Variants in FUT8 observed in about 807,000 individuals in gnomAD.
FUT8 encodes fucosyltransferase 8.
FUT8 carries 29 observed loss-of-function variants against 71.3 expected under a neutral mutation model. The observed-to-expected ratio is 0.41, with a 90% confidence interval of 0.30 to 0.55. The LOEUF (loss-of-function observed/expected upper bound fraction) is 0.55. Ranked by LOEUF, FUT8 falls within the 20% of genes least tolerant of loss-of-function variation. The pLI, the probability that FUT8 is intolerant of heterozygous loss-of-function variation, is 0.34. For missense variants in FUT8, 544 were observed against 702.1 expected (o/e 0.77, Z 2.55); for synonymous variants, 254 against 239.3 (o/e 1.06, Z -0.57).
At chr14:65,477,275 A>T (rs1271365892) in intron 2 of FUT8, among the ~76,000 whole-genome samples, 1 of 152,232 alleles carries the variant, frequency 6.6e-6, no homozygotes, top group Non-Finnish European at 1.5e-5. Flanking sequence ...TCTTTAGCAC[A>T]GTTCCTGGCA....
intron 2 of FUT8, among the ~76,000 whole-genome samples, chr14:65,523,567 T>C (rs1470966577): frequency 6.6e-6 from 1 of 152,234 alleles, no homozygotes. Context: ...GTGCAGAAGC[T>C]CTTTAGCTTA....
At chr14:65,513,024 GAGCTTAAATT>G (rs1882467238) in intron 2 of FUT8, among the ~76,000 whole-genome samples, 1 of 152,016 alleles carries the variant, frequency 6.6e-6, no homozygotes, top group Non-Finnish European at 1.5e-5. Context: ...GCAGAATCAT[GAGCTTAAATT>G]AGTGGAATAT....
intron 2 of FUT8, among the ~76,000 whole-genome samples, chr14:65,469,548 T>C (rs2066104047): frequency 1.3e-5 from 2 of 152,218 alleles, no homozygotes; most frequent in South Asian, 4.1e-4. Flanking sequence ...GGAAGAATTA[T>C]GTATGCAGAC....
intron 3 of FUT8, among the ~76,000 whole-genome samples, chr14:65,565,842 CTGT>C (rs1013692729): frequency 4.0e-5 from 6 of 151,606 alleles, no homozygotes; most frequent in African/African-American, 1.5e-4. Context: ...ACCAAAGAAT[CTGT>C]TGTCTATTTT....
intron 10 of FUT8, among the ~76,000 whole-genome samples, chr14:65,738,462 A>G (rs539174972): frequency 6.6e-6 from 1 of 152,162 alleles, no homozygotes; most frequent in East Asian, 1.9e-4. Context: ...ATCCTTTGGC[A>G]GGATTTTTGC....
chr14:65,418,140 A>G (rs2139370466), intron 1 of FUT8, among the ~76,000 whole-genome samples: 1 of 152,338 alleles, frequency 6.6e-6, no homozygotes, highest in African/African-American at 2.4e-5. Context: ...CTAATGAATA[A>G]ACTTCATGAT....
intron 5 of FUT8, among the ~76,000 whole-genome samples, chr14:65,626,351 T>A (rs1262670948): frequency 6.6e-6 from 1 of 152,180 alleles, no homozygotes; most frequent in Non-Finnish European, 1.5e-5. Flanking sequence ...ACAAAATTAG[T>A]AGGAGATAGA....
chr14:65,633,009 C>CCT (rs1555377616), intron 6 of FUT8, among the ~76,000 whole-genome samples: 5 of 145,878 alleles, frequency 3.4e-5, no homozygotes, highest in African/African-American at 1.3e-4. Context: ...TCCCCTCCCC[C>CCT]CCCCCGTCTC....
At position 65,483,196 on chromosome 14, in the gene FUT8, C is replaced by T. The variant is rs1230726522; in HGVS notation, c.-228+27478C>T. ...GCTGGTGCAGCACTACAGCAACTTC[C>T]GTGCTATTCAGTGAGAGGACTGTGT... On this transcript the variant is annotated intron_variant, in intron 2 of 10. Coordinates refer to ENST00000673929, the MANE Select transcript of FUT8 (RefSeq NM_001371533.1). The surrounding 1 kb of genome is among the most constrained non-coding windows in gnomAD (Gnocchi z 4.4). Among the ~76,000 whole-genome samples, 1 of 152,176 alleles carries T rather than the reference C, an allele frequency of 6.6e-6. No individual in the cohort carries two copies. The highest frequency in any genetic ancestry group is 1.5e-5 in the Non-Finnish European group (1 of 68,032).
At chr14:65,631,386 T>G (rs1299305078) in intron 6 of FUT8, among the ~76,000 whole-genome samples, 2 of 152,140 alleles carry the variant, frequency 1.3e-5, no homozygotes, top group Non-Finnish European at 2.9e-5. Context: ...TTTTTTTTCC[T>G]CTTGGTTTGT....
At chr14:65,620,217 A>G (rs923915196) in intron 5 of FUT8, among the ~76,000 whole-genome samples, 2 of 152,092 alleles carry the variant, frequency 1.3e-5, no homozygotes, top group African/African-American at 4.8e-5. Context: ...ATTTATAACA[A>G]TTATAAAACT....
intron 8 of FUT8, among the ~76,000 whole-genome samples, chr14:65,723,038 G>C (rs1006530870): frequency 6.6e-6 from 1 of 151,926 alleles, no homozygotes; most frequent in African/African-American, 2.4e-5. Flanking sequence ...TTGGGGCCAG[G>C]CATAGTGGCT....
chr14:65,648,659 A>G (rs117351710), intron 6 of FUT8, among the ~76,000 whole-genome samples: 52 of 152,340 alleles, frequency 3.4e-4, no homozygotes, highest in Non-Finnish European at 6.3e-4. Flanking sequence ...CCAAATCCCA[A>G]TTTATTCTGA....
intron 2 of FUT8, among the ~76,000 whole-genome samples, chr14:65,541,295 G>A (rs538989262): frequency 6.6e-6 from 1 of 151,540 alleles, no homozygotes; most frequent in African/African-American, 2.4e-5. Context: ...TACATAAGAG[G>A]AGATTTATCA....
chr14:65,554,446 T>TA (rs58345755), intron 2 of FUT8, among the ~76,000 whole-genome samples: 3 of 146,566 alleles, frequency 2.0e-5, no homozygotes, highest in African/African-American at 7.4e-5. Flanking sequence ...TATATATATA[T>TA]TTATATCTAT....
At chr14:65,602,118 C>T (rs1888319204) in intron 3 of FUT8, among the ~76,000 whole-genome samples, 1 of 151,360 alleles carries the variant, frequency 6.6e-6, no homozygotes, top group Non-Finnish European at 1.5e-5. Flanking sequence ...GTGTTTTATC[C>T]CTCACCTCCT....
chr14:65,392,275 C>A, the FUT8 span, among the ~76,000 whole-genome samples: 1 of 152,230 alleles, frequency 6.6e-6, no homozygotes, highest in Admixed American at 6.5e-5. Flanking sequence ...GGCAAGCTAA[C>A]TTAAAAGAAG....
At chr14:65,394,680 G>T in the FUT8 span, among the ~76,000 whole-genome samples, 1 of 151,950 alleles carries the variant, frequency 6.6e-6, no homozygotes, top group Non-Finnish European at 1.5e-5. Flanking sequence ...CATTCCAAAT[G>T]GGAAAAATTG....
At chr14:65,560,720 C>T (rs1308595660) in intron 2 of FUT8, among the ~76,000 whole-genome samples, 1 of 152,160 alleles carries the variant, frequency 6.6e-6, no homozygotes, top group Non-Finnish European at 1.5e-5. Flanking sequence ...GTAGTCTAGC[C>T]TGATCCATTT....
Sources: allele counts gnomAD v4.1 joint callset (sites outside exome capture counted in the v4.1 genomes callset), GRCh38; gene constraint gnomAD v4.1.1; non-coding constraint Gnocchi (gnomAD v3.1); transcripts MANE v1.5; gene names NCBI Gene and HGNC (gene_info 2026-07-23, HGNC 2026-07-21).